Variants in KIF26B observed in about 807,000 individuals in gnomAD.
The protein encoded by KIF26B is kinesin family member 26B.
Under a neutral mutation model 151.2 loss-of-function variants are expected in KIF26B, and 63 were observed. That is an observed-to-expected ratio of 0.42 (90% confidence interval 0.34 to 0.51). The LOEUF (loss-of-function observed/expected upper bound fraction) is 0.51. Among genes scored for constraint, KIF26B ranks in the 20% least tolerant of loss-of-function variants. KIF26B has a pLI of 0.07. For synonymous variants in KIF26B, 1,357 were observed against 1,262.1 expected (o/e 1.08, Z -1.59); for missense variants, 2,813 against 2,913.6 (o/e 0.97, Z 0.79).
At chr1:245,329,959 C>T (rs1341219861) in intron 2 of KIF26B, among the ~76,000 whole-genome samples, 3 of 152,092 alleles carry the variant, frequency 2.0e-5, no homozygotes, top group Non-Finnish European at 4.4e-5. Context: ...ACTACAGCTA[C>T]CGTGTCTGGC....
intron 3 of KIF26B, among the ~76,000 whole-genome samples, chr1:245,390,692 T>G (rs1673663581): frequency 6.6e-6 from 1 of 152,068 alleles, no homozygotes; most frequent in Admixed American, 6.5e-5. Context: ...CTATGGTTAT[T>G]GAGAAGTAGG....
intron 5 of KIF26B, among the ~76,000 whole-genome samples, chr1:245,545,795 C>CTG (rs1279844691): frequency 2.7e-5 from 2 of 74,222 alleles, no homozygotes; most frequent in African/African-American, 8.2e-5. Flanking sequence ...GTTGCTTCTC[C>CTG]TAAGTCAGTT....
At chr1:245,249,843 A>C (rs1670410101) in intron 2 of KIF26B, among the ~76,000 whole-genome samples, 1 of 152,236 alleles carries the variant, frequency 6.6e-6, no homozygotes. Context: ...TTTGTTTTGG[A>C]GTTTGTCCAG....
At chr1:245,422,491 CAGTT>C (rs1466751091) in intron 4 of KIF26B, among the ~76,000 whole-genome samples, 1 of 152,168 alleles carries the variant, frequency 6.6e-6, no homozygotes, top group African/African-American at 2.4e-5. Flanking sequence ...ATGTACCTGA[CAGTT>C]AGGTCCCCAA....
At chr1:245,641,500 C>T (rs1249166716) in intron 9 of KIF26B, among the ~76,000 whole-genome samples, 1 of 151,930 alleles carries the variant, frequency 6.6e-6, no homozygotes, top group Non-Finnish European at 1.5e-5. Context: ...CCATAGGTCC[C>T]ATAAGCTTTG....
At chr1:245,510,887 A>C in intron 4 of KIF26B, 1 of 582,332 alleles carries the variant, frequency 1.7e-6, no homozygotes. Flanking sequence ...TGGTTTAGCC[A>C]AAGGCTGGAA....
At chr1:245,658,839 A>G (rs1413038994) in intron 10 of KIF26B, among the ~76,000 whole-genome samples, 1 of 151,968 alleles carries the variant, frequency 6.6e-6, no homozygotes, top group African/African-American at 2.4e-5. Flanking sequence ...AGTTGTTTCC[A>G]TCTTCCAACT....
chr1:245,184,050 G>GTTTTTTGTTTTTTTTTTTGTTTTT (rs1553332272), intron 2 of KIF26B, among the ~76,000 whole-genome samples: 1 of 19,804 alleles, frequency 5.0e-5, no homozygotes, highest in Non-Finnish European at 9.9e-5. Flanking sequence ...GGGAGTTGTT[G>GTTTTTTGTTTTTTTTTTTGTTTTT]TTTTTTTTTT....
At chr1:245,320,467 G>A (rs1465938124) in intron 2 of KIF26B, among the ~76,000 whole-genome samples, 1 of 152,076 alleles carries the variant, frequency 6.6e-6, no homozygotes, top group Non-Finnish European at 1.5e-5. Context: ...ACCCAATATT[G>A]ATACGTTATT....
At chr1:245,432,309 GT>G (rs747061075) in intron 4 of KIF26B, among the ~76,000 whole-genome samples, 3 of 152,054 alleles carry the variant, frequency 2.0e-5, no homozygotes, top group Non-Finnish European at 4.4e-5. Flanking sequence ...GCTTTCAGAT[GT>G]TTTCGGGGGA....
intron 2 of KIF26B, among the ~76,000 whole-genome samples, chr1:245,299,320 GTTTTTT>G (rs55957858): frequency 4.8e-5 from 5 of 103,196 alleles, no homozygotes; most frequent in African/African-American, 1.8e-4. Context: ...CCAATTCTGG[GTTTTTT>G]TTTTTTTTTT....
chr1:245,548,839 T>G (rs6428933), intron 5 of KIF26B, among the ~76,000 whole-genome samples: 89,051 of 151,536 alleles, frequency 0.59, 26,561 homozygotes, highest in African/African-American at 0.67. Context: ...CGCCTCCCGG[T>G]TTCAAGCAAT....
chr1:245,187,292 T>C lies in KIF26B; in HGVS notation c.465+30609T>C, dbSNP rs146868477. 4.5e-3 allele frequency among the ~76,000 whole-genome samples: 686 copies of C among 152,258 alleles called. 7 individuals are homozygous for C. Among genetic ancestry groups the C allele is most frequent in the African/African-American group, 0.015 (636 of 41,542 alleles). On this transcript the variant is annotated intron_variant, in intron 2 of 14. Transcript: ENST00000407071. ...AATACTGCGTGTTCTCACTTATAAG[T>C]GGGAGCTAAATAATGTGTACACATG...
In KIF26B at chr1:245,164,738, G is replaced by A. The variant is rs138521451; in HGVS notation, c.465+8055G>A. Among the ~76,000 whole-genome samples the A allele has an allele frequency of 5.3e-3, 800 of 152,342 alleles. 7 individuals are homozygous for A. Among genetic ancestry groups the A allele is most frequent in the African/African-American group, 0.018 (756 of 41,572 alleles). On this transcript the variant is annotated intron_variant, in intron 2 of 14. Coordinates refer to ENST00000407071, the MANE Select transcript of KIF26B (RefSeq NM_018012.4). Reference sequence around the variant, plus strand: ...CTGTAGGACGTGGGCAGCCATTGGAGGGCACTCATGAAGGGAGTGAAATGA... The same window carrying A: ...CTGTAGGACGTGGGCAGCCATTGGAAGGCACTCATGAAGGGAGTGAAATGA...
chr1:245,497,592 A>C (rs1281411015), intron 4 of KIF26B, among the ~76,000 whole-genome samples: 1 of 152,240 alleles, frequency 6.6e-6, no homozygotes, highest in Non-Finnish European at 1.5e-5. Context: ...GTTTGAAATG[A>C]AATGATGAAA....
intron 3 of KIF26B, among the ~76,000 whole-genome samples, chr1:245,374,996 G>T (rs1203366547): frequency 6.6e-6 from 1 of 152,158 alleles, no homozygotes; most frequent in Non-Finnish European, 1.5e-5. Flanking sequence ...CCTAATCCCC[G>T]CAATCTGTGG....
At chr1:245,498,369 A>G (rs1402938103) in intron 4 of KIF26B, among the ~76,000 whole-genome samples, 3 of 152,200 alleles carry the variant, frequency 2.0e-5, no homozygotes, top group African/African-American at 7.2e-5. Flanking sequence ...GTGGAATGTT[A>G]TCATTGACTC....
chr1:245,538,954 C>T (rs1162024238), intron 4 of KIF26B, among the ~76,000 whole-genome samples: 2 of 151,972 alleles, frequency 1.3e-5, no homozygotes, highest in African/African-American at 4.8e-5. Flanking sequence ...TGAATAATTC[C>T]ATTTCACCCT....
chr1:245,598,658 C>T (rs1167619557), intron 5 of KIF26B, among the ~76,000 whole-genome samples: 1 of 152,110 alleles, frequency 6.6e-6, no homozygotes, highest in Non-Finnish European at 1.5e-5. Context: ...GGGAGCGAGG[C>T]TCTGCCTCTC....
Sources: gnomAD v4.1 joint callset for allele counts (sites outside exome capture counted in the v4.1 genomes callset) on GRCh38, gnomAD v4.1.1 for gene constraint, MANE v1.5 for transcripts, NCBI Gene and HGNC (gene_info 2026-07-23, HGNC 2026-07-21) for gene names.